DAB1: variants seen among roughly 807,000 people sequenced by gnomAD.
The protein encoded by DAB1 is disabled homolog 1.
Under a neutral mutation model 64.6 loss-of-function variants are expected in DAB1, and 15 were observed. The observed-to-expected ratio is 0.23, with a 90% CI of 0.16 to 0.36. The LOEUF (loss-of-function observed/expected upper bound fraction) is 0.36. DAB1 is among the 10% of genes least tolerant of loss of function. The pLI is 1.00. For missense variants in DAB1, 596 were observed against 706.7 expected, an observed-to-expected ratio of 0.84 and a Z score of 1.78; for synonymous variants, 235 against 251.9, an observed-to-expected ratio of 0.93 and a Z score of 0.64.
At chr1:57,802,539 C>G (rs1651177247) in intron 6 of DAB1, among the ~76,000 whole-genome samples, 1 of 152,128 alleles carries the variant, frequency 6.6e-6, no homozygotes, top group African/African-American at 2.4e-5. Context: ...GGAATTGTGT[C>G]CCTGCCCAAA....
At chr1:57,576,642 G>C (rs1399173086) in intron 7 of DAB1, among the ~76,000 whole-genome samples, 1 of 152,206 alleles carries the variant, frequency 6.6e-6, no homozygotes, top group East Asian at 1.9e-4. Flanking sequence ...CTCCGGAACT[G>C]TGAGATGATA....
At chr1:57,661,503 G>A (rs1646386049) in intron 6 of DAB1, among the ~76,000 whole-genome samples, 1 of 152,126 alleles carries the variant, frequency 6.6e-6, no homozygotes, top group Non-Finnish European at 1.5e-5. Context: ...TTCACCCAAG[G>A]GGTCTTTGAA....
At chr1:57,477,150 C>T (rs1643948427) in intron 7 of DAB1, among the ~76,000 whole-genome samples, 1 of 152,180 alleles carries the variant, frequency 6.6e-6, no homozygotes, top group Non-Finnish European at 1.5e-5. Flanking sequence ...CTGTTGCACA[C>T]AGAAGGCCTT....
chr1:58,545,337 A>G (rs11207254), intron 1 of DAB1, among the ~76,000 whole-genome samples: 1 of 151,916 alleles, frequency 6.6e-6, no homozygotes, highest in African/African-American at 2.4e-5. Flanking sequence ...CTACGCATAT[A>G]TAATTAAAAC....
chr1:57,628,651 A>G (rs1288203147), intron 7 of DAB1, among the ~76,000 whole-genome samples: 3 of 152,198 alleles, frequency 2.0e-5, no homozygotes, highest in Non-Finnish European at 4.4e-5. Flanking sequence ...ATTTGGTCAT[A>G]TATGACCTTT....
At chr1:57,534,790 C>T (rs553254461) in intron 7 of DAB1, among the ~76,000 whole-genome samples, 1 of 152,162 alleles carries the variant, frequency 6.6e-6, no homozygotes, top group Non-Finnish European at 1.5e-5. Flanking sequence ...AATGAGATAA[C>T]ATGTCTCTCT....
chr1:57,482,183 C>T lies in DAB1; in HGVS notation n.625+167409G>A, dbSNP rs117919253. Among the ~76,000 whole-genome samples the T allele has an allele frequency of 1.8e-3, 275 of 151,942 alleles. 3 individuals carry two copies. The highest frequency in any genetic ancestry group is 0.017 in the East Asian group (89 of 5,160). ...AGACAGAGAGCAGAGGTGAGCCACA[C>T]GAAATCTAAGTTCGCATGAAAGAGC... On this transcript the variant is annotated intron_variant and non_coding_transcript_variant, in intron 7 of 20. Coordinates refer to the DAB1 transcript ENST00000485760.
At chr1:58,330,307 T>TA (rs1246869112) in intron 4 of DAB1, among the ~76,000 whole-genome samples, 1 of 152,178 alleles carries the variant, frequency 6.6e-6, no homozygotes, top group Non-Finnish European at 1.5e-5. Context: ...CTGAAAGAAG[T>TA]AACGAAGCTG....
intron 7 of DAB1, among the ~76,000 whole-genome samples, chr1:57,493,979 G>C (rs10493226): frequency 0.075 from 11,458 of 152,106 alleles, 1,356 homozygotes; most frequent in African/African-American, 0.25. Context: ...ACTGAACCTC[G>C]GTTTATTCAG....
intron 10 of DAB1, among the ~76,000 whole-genome samples, chr1:57,024,757 A>T (rs1646732164): frequency 6.6e-6 from 1 of 152,194 alleles, no homozygotes; most frequent in African/African-American, 2.4e-5. Flanking sequence ...TAAGGTTAGA[A>T]GATCTCTTCA....
intron 1 of DAB1, among the ~76,000 whole-genome samples, chr1:57,367,333 G>A (rs1161676311): frequency 2.0e-5 from 3 of 152,022 alleles, no homozygotes; most frequent in Non-Finnish European, 2.9e-5. Flanking sequence ...GAGTTCGGAA[G>A]TCTGAAAGAA....
intron 2 of DAB1, among the ~76,000 whole-genome samples, chr1:58,516,435 G>C (rs141116221): frequency 6.6e-6 from 1 of 152,262 alleles, no homozygotes; most frequent in African/African-American, 2.4e-5. Flanking sequence ...TCTTTTGTCA[G>C]CTGAAGACTG....
At chr1:57,999,283 G>C (rs576851442) in intron 5 of DAB1, among the ~76,000 whole-genome samples, 311 of 152,310 alleles carry the variant, frequency 2.0e-3, no homozygotes, top group Non-Finnish European at 3.6e-3. Context: ...AGATCAGCCA[G>C]GTTAGGGGCA....
At chr1:57,696,906 A>G (rs1646851722) in intron 6 of DAB1, among the ~76,000 whole-genome samples, 1 of 152,150 alleles carries the variant, frequency 6.6e-6, no homozygotes, top group African/African-American at 2.4e-5. Flanking sequence ...TTCTTTTGAG[A>G]CACTTTATAA....
At chr1:58,074,565 T>C (rs1570317130) in intron 5 of DAB1, 1 of 4,074 alleles carries the variant, frequency 2.5e-4, no homozygotes, top group African/African-American at 9.5e-4. Flanking sequence ...TATATGTGTG[T>C]ATATATATAT....
At chr1:58,010,131 T>C (rs1348681084) in intron 5 of DAB1, among the ~76,000 whole-genome samples, 6 of 152,192 alleles carry the variant, frequency 3.9e-5, no homozygotes, top group African/African-American at 1.4e-4. Context: ...TTATTCAGAA[T>C]GTGTGAACAG....
At chr1:57,370,309 C>T (rs1308282223) in intron 1 of DAB1, among the ~76,000 whole-genome samples, 7 of 152,096 alleles carry the variant, frequency 4.6e-5, no homozygotes, top group Non-Finnish European at 8.8e-5. Context: ...AAGTTGCATG[C>T]CTTAGTGAAA....
intron 6 of DAB1, among the ~76,000 whole-genome samples, chr1:57,789,628 G>A (rs1183885606): frequency 6.6e-6 from 1 of 152,122 alleles, no homozygotes; most frequent in East Asian, 1.9e-4. Context: ...TATCACAAAG[G>A]CTTCACCCTT....
chr1:58,050,888 T>A (rs1214650040), intron 5 of DAB1, among the ~76,000 whole-genome samples: 3 of 152,186 alleles, frequency 2.0e-5, no homozygotes, highest in African/African-American at 7.2e-5. Context: ...TTTGTCTTGC[T>A]GAGCTTTTCC....
Sources: gnomAD v4.1 joint callset for allele counts (sites outside exome capture counted in the v4.1 genomes callset) on GRCh38, gnomAD v4.1.1 for gene constraint, MANE v1.5 for transcripts, NCBI Gene and HGNC (gene_info 2026-07-23, HGNC 2026-07-21) for gene names.